Variants in LENG8 observed in about 807,000 individuals in gnomAD.
The protein encoded by LENG8 is leukocyte receptor cluster (LRC) member 8.
LENG8 carries 28 observed loss-of-function variants against 102.1 expected under a neutral mutation model. That is an observed-to-expected ratio of 0.27 (90% confidence interval 0.20 to 0.38). The LOEUF is 0.38. LENG8 is among the 10% of genes least tolerant of loss of function. The probability of loss-of-function intolerance (pLI) is 1.00; values close to 1 mark genes in which losing one functional copy is unlikely to be tolerated. For missense variants in LENG8, 1,022 were observed against 1,113.9 expected, an observed-to-expected ratio of 0.92 and a Z score of 1.17; for synonymous variants, 531 against 456.7, an observed-to-expected ratio of 1.16 and a Z score of -2.07.
At chr19:54,454,340 G>C (rs1056161545) in intron 5 of LENG8, 90 bp from the exon 6 acceptor site, 4 of 1,354,756 alleles carry the variant, frequency 3.0e-6, no homozygotes, top group Non-Finnish European at 4.0e-6. Flanking sequence ...GCTGAGTGCT[G>C]TGACCACTGC....
rs756817798 is a variant in LENG8 at position 54,456,096 on chromosome 19, C to T, written c.1155C>T (p.Pro385=). 13 of 1,608,600 alleles carry T rather than the reference C, an allele frequency of 8.1e-6. No individual in the cohort carries two copies. Among genetic ancestry groups the T allele is most frequent in the Admixed American group, 3.4e-5 (2 of 59,368 alleles). Residue 385 remains proline, a synonymous_variant, in exon 9 of 16, where the codon CCC becomes CCT. Coordinates refer to ENST00000326764, the MANE Select transcript of LENG8 (RefSeq NM_052925.4). ...GGGAPSQRGT[P]GAGGAGRARG... Reference sequence around the variant, plus strand: ...GTGCCCCGTCCCAGCGAGGGACGCCCGGGGCTGGGGGTGCCGGTCGAGCCC... The same window carrying T: ...GTGCCCCGTCCCAGCGAGGGACGCCTGGGGCTGGGGGTGCCGGTCGAGCCC...
chr19:54,454,776 TG>T, intron 6 of LENG8, 94 bp downstream of exon 6: 1 of 1,458,616 alleles, frequency 6.9e-7, no homozygotes. Context: ...TCCTTGTTTC[TG>T]GGTGTTGTGA....
intron 5 of LENG8, among the ~76,000 whole-genome samples, chr19:54,453,976 G>C (rs1380890311): frequency 6.6e-6 from 1 of 152,202 alleles, no homozygotes; most frequent in Non-Finnish European, 1.5e-5. Flanking sequence ...ACAGGAGGCA[G>C]GTAGACCTGG....
Position 54,452,277 on chromosome 19 carries a change from CCTCATGGGG to C in LENG8, c.213+13_213+21del. Reference sequence around the variant, plus strand: ...TGTGGCCAGTGCACAGGTGAGAAGGCCTCATGGGGCTGGGGTACCCTGAGCCAGAGGTTG... The same window carrying C: ...TGTGGCCAGTGCACAGGTGAGAAGGCCTGGGGTACCCTGAGCCAGAGGTTG... On this transcript the variant is annotated intron_variant, in intron 3 of 15. Coordinates refer to ENST00000326764, the MANE Select transcript of LENG8 (RefSeq NM_052925.4). The C allele has an allele frequency of 6.3e-7, 1 of 1,596,744 alleles. No individual in the cohort carries two copies. Among genetic ancestry groups the C allele is most frequent in the Non-Finnish European group, 8.6e-7 (1 of 1,168,300 alleles).
rs2084589362 is a variant in LENG8 at position 54,461,909 on chromosome 19, C to T, written c.*981C>T. The T allele has an allele frequency of 3.5e-6, 3 of 859,122 alleles. No homozygotes were observed. Among genetic ancestry groups the T allele is most frequent in the Non-Finnish European group, 6.0e-6 (3 of 496,284 alleles). The allele number at this position is 859,122 out of a possible 1,614,324, so 53.2% of individuals were successfully genotyped here. ...TTTCCAGATGTTCCTCCTCTGCCTC[C>T]CCTTCCCCTCCTCTCCCCTCCTTTT... On this transcript the variant is annotated 3_prime_UTR_variant, in exon 16 of 16. Transcript: ENST00000326764.
At chr19:54,454,714 C>T (rs371663321) in intron 6 of LENG8, 32 bp downstream of exon 6, 72 of 1,554,010 alleles carry the variant, frequency 4.6e-5, no homozygotes, top group East Asian at 4.3e-4. Flanking sequence ...GAGGTCCGAG[C>T]GGTTGGGCCC....
intron 15 of LENG8, chr19:54,460,131 G>A (rs1366418511): frequency 7.8e-7 from 1 of 1,289,838 alleles, no homozygotes; most frequent in Admixed American, 2.3e-5. Context: ...GAAAGCTCTG[G>A]CTTTGGAGCA....
intron 15 of LENG8, chr19:54,460,446 C>T (rs1355415920): frequency 9.3e-6 from 12 of 1,285,074 alleles, no homozygotes; most frequent in South Asian, 3.1e-5. Context: ...TCCCCTGCCA[C>T]GTGCTGCTCC....
At chr19:54,456,540 G>A (rs1046698325) in intron 10 of LENG8, 75 bp downstream of exon 10, 4 of 1,539,328 alleles carry the variant, frequency 2.6e-6, no homozygotes, top group Non-Finnish European at 2.6e-6. Context: ...GAAGGAGGAG[G>A]AGGGCCGGAC....
In LENG8 at chr19:54,457,737, C is replaced by T. The variant is rs2084326188; in HGVS notation, c.1732-10C>T. 2 of 1,602,672 alleles carry T rather than the reference C, an allele frequency of 1.2e-6. No individual in the cohort carries two copies. Among genetic ancestry groups the T allele is most frequent in the Non-Finnish European group, 1.7e-6 (2 of 1,169,704 alleles). On this transcript the variant is annotated splice_polypyrimidine_tract_variant and intron_variant, in intron 11 of 15. Transcript: ENST00000326764. ...TGTACTCCGAGTGTGAATTCAGTTC[C>T]CTTTTTCAGGTTTTGAAAAAGTCGC...
At position 54,460,758 on chromosome 19, in the gene LENG8, C is replaced by T. The variant is rs1406377952; in HGVS notation, c.2241-8C>T. 1.5e-5 allele frequency: 11 copies of T among 738,788 alleles called. No individual in the cohort carries two copies. The highest frequency in any genetic ancestry group is 2.2e-5 in the Non-Finnish European group (11 of 492,666). 45.8% of individuals were successfully genotyped at this position (738,788 alleles called of 1,614,324 possible). A position where few individuals can be genotyped will look rare whatever the true frequency, so the allele number is the denominator to read the frequency against. On this transcript the variant is annotated splice_region_variant and splice_polypyrimidine_tract_variant and intron_variant, in intron 15 of 15. Transcript: ENST00000326764. ...CCGCCTCATCACCTTCTCCTCTTGT[C>T]TCCATAGCTTCCGCCCTGCGCTGCC...
intron 1 of LENG8, chr19:54,449,843 C>G (rs1023283211): frequency 6.5e-6 from 1 of 152,792 alleles, no homozygotes; most frequent in South Asian, 2.1e-4. Flanking sequence ...GACCTTACCT[C>G]TAATCTCCCT....
chr19:54,456,751 T>A lies in LENG8; in HGVS notation c.1561T>A (p.Ser521Thr). ...KRAARFQHGH[S>T]RRLRLEPLVL... ...GGCAGCCCGCTTCCAGCACGGACACTCCCGCCGCCTGCGCCTCGAGCCCCT... is the reference window on the plus strand; with the variant it reads ...GGCAGCCCGCTTCCAGCACGGACACACCCGCCGCCTGCGCCTCGAGCCCCT... The change falls in exon 11 of 16, where the codon TCC (serine) becomes ACC (threonine). Residue 521 changes from serine (S) to threonine (T), a missense_variant. Ser to Thr is a moderately conservative substitution (Grantham distance 58, BLOSUM62 1). Around this residue, in one of 7 missense-constraint regions of LENG8, gnomAD observed 326 missense variants for 324.5 expected, o/e 1.00. Transcript: ENST00000326764. The A allele has an allele frequency of 6.2e-7, 1 of 1,611,000 alleles. No individual in the cohort carries two copies. Among genetic ancestry groups the A allele is most frequent in the Non-Finnish European group, 8.5e-7 (1 of 1,179,204 alleles).
chr19:54,458,745 T>G (rs1242472161), intron 15 of LENG8: 4 of 1,551,318 alleles, frequency 2.6e-6, no homozygotes, highest in African/African-American at 2.7e-5. Flanking sequence ...CTCTCCCCAC[T>G]GTTCCCAGCT....
chr19:54,461,809 C>T lies in LENG8; in HGVS notation c.*881C>T, dbSNP rs748378494. The stretch of plus-strand genomic sequence containing the variant: ...CTCTCCCTTTTCTTTTTGGCCCTCC[C>T]TCCCTCCCTCTTCTGCCATGTAACT... On this transcript the variant is annotated 3_prime_UTR_variant, in exon 16 of 16. Coordinates refer to ENST00000326764, the MANE Select transcript of LENG8 (RefSeq NM_052925.4). 1.6e-4 allele frequency: 94 copies of T among 590,346 alleles called. No individual in the cohort carries two copies. The highest frequency in any genetic ancestry group is 2.5e-4 in the Non-Finnish European group (76 of 303,148). 36.6% of individuals were successfully genotyped at this position (590,346 alleles called of 1,614,324 possible).
intron 6 of LENG8, 96 bp from the exon 7 acceptor site, chr19:54,454,855 G>A (rs1041268325): frequency 6.5e-7 from 1 of 1,528,324 alleles, no homozygotes. Context: ...TCTAGAACCT[G>A]AGCGCTCCTC....
In LENG8 at chr19:54,461,016, TA is replaced by T; in HGVS notation, c.*91del. ...GTTTTTGAGCCGTGGACTTGGGTTG[TA>T]AATTTATTTGTGGGGAGTGCGCTCC... On this transcript the variant is annotated 3_prime_UTR_variant, in exon 16 of 16. Coordinates refer to ENST00000326764, the MANE Select transcript of LENG8 (RefSeq NM_052925.4). 1 of 1,527,624 alleles carries T rather than the reference TA, an allele frequency of 6.5e-7. No homozygotes were observed. The highest frequency in any genetic ancestry group is 1.2e-5 in the South Asian group (1 of 83,444). 94.6% of individuals were successfully genotyped at this position (1,527,624 alleles called of 1,614,324 possible).
Position 54,461,856 on chromosome 19 carries a change from C to G in LENG8, c.*928C>G. The G allele has an allele frequency of 1.5e-6, 1 of 649,244 alleles. No homozygotes were observed. 40.2% of individuals were successfully genotyped at this position (649,244 alleles called of 1,614,324 possible). A position where few individuals can be genotyped will look rare whatever the true frequency, so the allele number is the denominator to read the frequency against. On this transcript the variant is annotated 3_prime_UTR_variant, in exon 16 of 16. Coordinates refer to ENST00000326764, the MANE Select transcript of LENG8 (RefSeq NM_052925.4). The stretch of plus-strand genomic sequence containing the variant: ...AACTGGAGGATGTGCTATGAGTTTG[C>G]AAACAGCTGGACTGTCAGGCTGCTT...
chr19:54,452,864 G>C (rs1481161119), intron 4 of LENG8, 112 bp downstream of exon 4: 1 of 765,302 alleles, frequency 1.3e-6, no homozygotes, highest in Admixed American at 2.2e-5. Flanking sequence ...ACTGGAGATC[G>C]CAGTGATAAC....
Sources: allele counts gnomAD v4.1 joint callset (sites outside exome capture counted in the v4.1 genomes callset), GRCh38; gene constraint gnomAD v4.1.1; regional missense constraint gnomAD v4.1.1; transcripts MANE v1.5; gene names NCBI Gene and HGNC (gene_info 2026-07-23, HGNC 2026-07-21).